The following CYB561A3 variants were observed in gnomAD, a reference collection of about 807,000 sequenced individuals.
CYB561A3 encodes lysosomal membrane ascorbate-dependent ferrireductase CYB561A3.
CYB561A3 carries 16 observed loss-of-function variants against 25.3 expected under a neutral mutation model. The ratio of observed to expected loss-of-function variants is 0.63; its 90% CI spans 0.43 to 0.96. The LOEUF (loss-of-function observed/expected upper bound fraction) is 0.96, where lower values mean the gene tolerates loss of function less well. CYB561A3 is among the 40% of genes least tolerant of loss of function. The pLI is 0.00. For synonymous variants in CYB561A3, 131 were observed against 129.9 expected, an observed-to-expected ratio of 1.01 and a Z score of -0.06; for missense variants, 219 against 307.5, an observed-to-expected ratio of 0.71 and a Z score of 2.15.
At chr11:61,351,176 C>T (rs1341762466) in intron 5 of CYB561A3, 29 bp from the exon 6 acceptor site, 12 of 1,584,032 alleles carry the variant, frequency 7.6e-6, no homozygotes, top group East Asian at 2.3e-5. Flanking sequence ...TGTGAGCCCT[C>T]GAGAGATTTT....
chr11:61,351,810 A>C (rs2135105415), intron 5 of CYB561A3: 2 of 152,294 alleles, frequency 1.3e-5, no homozygotes, highest in South Asian at 4.1e-4. Context: ...CTTACTTAGG[A>C]GGCTACATTG....
At position 61,352,976 on chromosome 11, in the gene CYB561A3, T is replaced by C. The variant is rs1857487159; in HGVS notation, c.548+9A>G. The C allele has an allele frequency of 6.2e-7, 1 of 1,614,128 alleles. No individual in the cohort carries two copies. The highest frequency in any genetic ancestry group is 8.5e-7 in the Non-Finnish European group (1 of 1,180,018). On this transcript the variant is annotated intron_variant, in intron 5 of 6. Coordinates refer to ENST00000294072, the MANE Select transcript of CYB561A3 (RefSeq NM_153611.6). ...TTCACCTTAGAGTTGGGGACCCCAC[T>C]GCACTCACAAACTGAAGAAAAGCTT...
chr11:61,349,757 C>T lies in CYB561A3; in HGVS notation c.*642G>A. 1 of 658,986 alleles carries T rather than the reference C, an allele frequency of 1.5e-6. No individual in the cohort carries two copies. The highest frequency in any genetic ancestry group is 2.1e-5 in the Admixed American group (1 of 48,002). 40.8% of individuals were successfully genotyped at this position (658,986 alleles called of 1,614,324 possible). ...GCAGAAGCTGCGTGGGCCGCCACTC[C>T]CCCTTTCTGCAATCACCCCATGATG... On this transcript the variant is annotated 3_prime_UTR_variant, in exon 7 of 7. Transcript: ENST00000294072.
chr11:61,350,756 T>C (rs1002967552), intron 6 of CYB561A3: 2 of 612,336 alleles, frequency 3.3e-6, no homozygotes, highest in South Asian at 2.4e-5. Flanking sequence ...CCACAGTGAT[T>C]TGGGGGGGAA....
At chr11:61,357,034 T>C in intron 2 of CYB561A3, 1 of 1,444,742 alleles carries the variant, frequency 6.9e-7, no homozygotes, top group African/African-American at 1.4e-5. Context: ...GTCCTGGGAT[T>C]CCTCTCCCCT....
chr11:61,349,602 C>A lies in CYB561A3; in HGVS notation c.*797G>T. ...GCCTGCCGGTGACAGACACGTAAGT[C>A]ACAGGGAAAGGCCGGGATCCAGGCC... is the stretch of plus-strand genomic sequence containing the variant. On this transcript the variant is annotated 3_prime_UTR_variant, in exon 7 of 7. Transcript: ENST00000294072. The A allele has an allele frequency of 1.4e-6, 1 of 702,970 alleles. No individual in the cohort carries two copies. The highest frequency in any genetic ancestry group is 1.5e-5 in the South Asian group (1 of 67,588). The allele number at this position is 702,970 out of a possible 1,614,324, so 43.5% of individuals were successfully genotyped here. A position where few individuals can be genotyped will look rare whatever the true frequency, so the allele number is the denominator to read the frequency against.
At chr11:61,357,009 G>A (rs764383982) in intron 2 of CYB561A3, 131 of 1,465,510 alleles carry the variant, frequency 8.9e-5, no homozygotes, top group Non-Finnish European at 1.1e-4. Flanking sequence ...CAGATGCCAA[G>A]GCCCAAGACC....
intron 1 of CYB561A3, chr11:61,360,338 G>A (rs1857804028): frequency 6.6e-6 from 1 of 152,210 alleles, no homozygotes; most frequent in Admixed American, 6.5e-5. Context: ...TGATCCCAGG[G>A]TGTGCTCACT....
At chr11:61,351,874 A>G (rs1857425729) in intron 5 of CYB561A3, 1 of 152,134 alleles carries the variant, frequency 6.6e-6, no homozygotes, top group Admixed American at 6.5e-5. Context: ...TGGTCACACC[A>G]TTGCTCTCCA....
At chr11:61,352,963 T>C in intron 5 of CYB561A3, 22 bp downstream of exon 5, 1 of 1,614,014 alleles carries the variant, frequency 6.2e-7, no homozygotes. Flanking sequence ...CACCTTAGAG[T>C]TGGGGACCCC....
At position 61,350,317 on chromosome 11, in the gene CYB561A3, C is replaced by A; in HGVS notation, c.*82G>T. On this transcript the variant is annotated 3_prime_UTR_variant, in exon 7 of 7. Coordinates refer to ENST00000294072, the MANE Select transcript of CYB561A3 (RefSeq NM_153611.6). Reference sequence around the variant, plus strand: ...AAGAAAGTCGCCTGCTGAAACCAGCCGGGAGCCCTGGGAAGAGCAGAGCTT... The same window carrying A: ...AAGAAAGTCGCCTGCTGAAACCAGCAGGGAGCCCTGGGAAGAGCAGAGCTT... The A allele has an allele frequency of 6.5e-7, 1 of 1,547,714 alleles. No homozygotes were observed. The highest frequency in any genetic ancestry group is 8.8e-7 in the Non-Finnish European group (1 of 1,141,342).
rs1014607086 is a variant in CYB561A3, at chr11:61,351,256, T to C, written c.549-109A>G. On this transcript the variant is annotated intron_variant, in intron 5 of 6. Transcript: ENST00000294072. ...GGGTGAGAAAACCTTCCCGGGTCCA[T>C]ATGTGATCTAGAATTTTAACACCCT... 90 of 1,187,606 alleles carry C rather than the reference T, an allele frequency of 7.6e-5. No homozygotes were observed. In the African/African-American group the frequency reaches 1.2e-3, roughly 16 times the overall value. 73.6% of individuals were successfully genotyped at this position (1,187,606 alleles called of 1,614,324 possible).
intron 5 of CYB561A3, chr11:61,352,691 C>A: frequency 1.3e-6 from 1 of 744,054 alleles, no homozygotes; most frequent in Non-Finnish European, 1.9e-6. Context: ...ATGGCAATGA[C>A]AACAATACCA....
At position 61,350,033 on chromosome 11, in the gene CYB561A3, C is replaced by T. The variant is rs1038665312; in HGVS notation, c.*366G>A. The T allele has an allele frequency of 1.4e-5, 7 of 491,360 alleles. No homozygotes were observed. The highest frequency in any genetic ancestry group is 3.4e-5 in the Admixed American group (1 of 29,824). The allele number at this position is 491,360 out of a possible 1,614,324, so 30.4% of individuals were successfully genotyped here. A position where few individuals can be genotyped will look rare whatever the true frequency, so the allele number is the denominator to read the frequency against. On this transcript the variant is annotated 3_prime_UTR_variant, in exon 7 of 7. Coordinates refer to ENST00000294072, the MANE Select transcript of CYB561A3 (RefSeq NM_153611.6). Reference sequence around the variant, plus strand: ...AGAGCGGCCAGAGCGAGGAGGACCTCGTGTGAATGGAGGACCTGAGAGGCT... The same window carrying T: ...AGAGCGGCCAGAGCGAGGAGGACCTTGTGTGAATGGAGGACCTGAGAGGCT...
intron 3 of CYB561A3, among the ~76,000 whole-genome samples, chr11:61,355,776 G>T (rs1857627250): frequency 6.6e-6 from 1 of 151,744 alleles, no homozygotes; most frequent in Non-Finnish European, 1.5e-5. Flanking sequence ...TCAATCTCCT[G>T]TTCTCTAGAG....
chr11:61,352,730 C>G (rs1857472682), intron 5 of CYB561A3: 5 of 1,150,966 alleles, frequency 4.3e-6, no homozygotes, highest in Non-Finnish European at 5.8e-6. Flanking sequence ...GGGTGGTTGA[C>G]AGGATTAAAT....
Position 61,349,569 on chromosome 11 carries a change from G to T in CYB561A3, c.*830C>A, listed in dbSNP as rs1235111405. 1.4e-6 allele frequency: 1 copy of T among 702,998 alleles called. No individual in the cohort carries two copies. The highest frequency in any genetic ancestry group is 2.6e-6 in the Non-Finnish European group (1 of 384,994). 43.5% of individuals were successfully genotyped at this position (702,998 alleles called of 1,614,324 possible). On this transcript the variant is annotated 3_prime_UTR_variant, in exon 7 of 7. Coordinates refer to ENST00000294072, the MANE Select transcript of CYB561A3 (RefSeq NM_153611.6). ...TTGGGAGAGCAGGTCACCAGGATTT[G>T]TAGGGCTGCCTGCCGGTGACAGACA... is the stretch of plus-strand genomic sequence containing the variant.
In CYB561A3 at chr11:61,353,999, G is replaced by C. The variant is rs1418348606; in HGVS notation, c.185-7C>G. 1 of 1,613,912 alleles carries C rather than the reference G, an allele frequency of 6.2e-7. No individual in the cohort carries two copies. The highest frequency in any genetic ancestry group is 1.1e-5 in the South Asian group (1 of 91,062). On this transcript the variant is annotated splice_region_variant and splice_polypyrimidine_tract_variant and intron_variant, in intron 3 of 6. Coordinates refer to ENST00000294072, the MANE Select transcript of CYB561A3 (RefSeq NM_153611.6). ...AGGCGGTACACCAGTGACGCTGCAG[G>C]AGAGAGTAGTGCCAGGGCTCAGCCT...
rs1408850361 is a variant in CYB561A3 at position 61,350,875 on chromosome 11, T to G, written c.705+116A>C. On this transcript the variant is annotated intron_variant, in intron 6 of 6. Coordinates refer to ENST00000294072, the MANE Select transcript of CYB561A3 (RefSeq NM_153611.6). ...ACCCTAACTCCACCCTCAAGTTACT[T>G]GGTTTCCTGCTGTGCCACAGGGTAA... The G allele has an allele frequency of 7.7e-6, 11 of 1,426,418 alleles. No homozygotes were observed. The Admixed American group carries it at 2.9e-4, about 38-fold the overall frequency. 88.4% of individuals were successfully genotyped at this position (1,426,418 alleles called of 1,614,324 possible).
Sources: gnomAD v4.1 joint callset for allele counts (sites outside exome capture counted in the v4.1 genomes callset) on GRCh38, gnomAD v4.1.1 for gene constraint, MANE v1.5 for transcripts, NCBI Gene and HGNC (gene_info 2026-07-23, HGNC 2026-07-21) for gene names.